Variants in SLC35F1 observed in about 807,000 individuals in gnomAD.
SLC35F1 encodes the protein solute carrier family 35 member F1, also known as chromosome 6 open reading frame 169.
Under a neutral mutation model 48.7 loss-of-function variants are expected in SLC35F1, and 14 were observed. That is an observed-to-expected ratio of 0.29 (90% CI 0.19 to 0.45). The LOEUF is 0.45. SLC35F1 is among the 20% of genes least tolerant of loss of function. SLC35F1 has a pLI of 1.00. For missense variants in SLC35F1, 404 were observed against 500.0 expected, an observed-to-expected ratio of 0.81 and a Z score of 1.83; for synonymous variants, 190 against 202.2, an observed-to-expected ratio of 0.94 and a Z score of 0.51.
At chr6:118,161,799 G>A (rs1361005056) in intron 2 of SLC35F1, among the ~76,000 whole-genome samples, 1 of 152,184 alleles carries the variant, frequency 6.6e-6, no homozygotes, top group African/African-American at 2.4e-5. Flanking sequence ...TTGGGGCTGT[G>A]ATGTTATACA....
chr6:118,214,534 C>T (rs1162517086), intron 2 of SLC35F1, among the ~76,000 whole-genome samples: 1 of 152,050 alleles, frequency 6.6e-6, no homozygotes, highest in African/African-American at 2.4e-5. Flanking sequence ...CCTTTTTGGG[C>T]AACACATCCA....
chr6:118,099,643 G>A (rs1460130252), intron 1 of SLC35F1, among the ~76,000 whole-genome samples: 2 of 152,138 alleles, frequency 1.3e-5, no homozygotes, highest in Non-Finnish European at 2.9e-5. Context: ...GGGCTGAAGG[G>A]AGTAACCCCA....
intron 1 of SLC35F1, among the ~76,000 whole-genome samples, chr6:117,954,810 C>G (rs1205442533): frequency 6.6e-6 from 1 of 152,106 alleles, no homozygotes; most frequent in Non-Finnish European, 1.5e-5. Context: ...TCCTTTGGTT[C>G]CCAGTTTTCT....
chr6:117,967,111 C>T (rs1364426060), intron 1 of SLC35F1, among the ~76,000 whole-genome samples: 1 of 152,104 alleles, frequency 6.6e-6, no homozygotes, highest in Non-Finnish European at 1.5e-5. Flanking sequence ...CCCTTGCTTT[C>T]TTTAGTACTT....
chr6:118,019,907 A>G (rs767147025), intron 1 of SLC35F1, among the ~76,000 whole-genome samples: 46 of 152,314 alleles, frequency 3.0e-4, no homozygotes, highest in Non-Finnish European at 5.6e-4. Context: ...ATATTATTCT[A>G]AAAACACTAA....
At chr6:118,299,251 A>C (rs1249131569) in intron 7 of SLC35F1, among the ~76,000 whole-genome samples, 1 of 152,210 alleles carries the variant, frequency 6.6e-6, no homozygotes, top group Non-Finnish European at 1.5e-5. Context: ...ACATTTAAGC[A>C]AGAATTTGTG....
intron 1 of SLC35F1, among the ~76,000 whole-genome samples, chr6:117,924,539 G>A (rs2211098): frequency 0.79 from 105,301 of 134,014 alleles, 39,377 homozygotes; most frequent in South Asian, 0.91. Context: ...GTTCCATTCT[G>A]TTCCATATAT....
chr6:117,909,254 A>G (rs893311116), intron 1 of SLC35F1, among the ~76,000 whole-genome samples: 1 of 152,130 alleles, frequency 6.6e-6, no homozygotes, highest in Admixed American at 6.5e-5. Context: ...GGCTCAGTAC[A>G]TATTATGTGG....
chr6:118,205,753 A>G (rs1438002198), intron 2 of SLC35F1, among the ~76,000 whole-genome samples: 1 of 152,230 alleles, frequency 6.6e-6, no homozygotes, highest in African/African-American at 2.4e-5. Flanking sequence ...CCATTCACAG[A>G]TGAATGGATA....
intron 1 of SLC35F1, among the ~76,000 whole-genome samples, chr6:118,083,724 A>T (rs957532858): frequency 2.6e-5 from 4 of 152,192 alleles, no homozygotes; most frequent in African/African-American, 9.7e-5. Context: ...ACATGTTATA[A>T]CTAAAGTTTG....
At chr6:118,131,141 C>A (rs1216000342) in intron 1 of SLC35F1, among the ~76,000 whole-genome samples, 2 of 151,920 alleles carry the variant, frequency 1.3e-5, no homozygotes, top group African/African-American at 2.4e-5. Flanking sequence ...AAATTTTTTC[C>A]TGCAATTTCA....
chr6:118,145,557 C>CAAATA (rs1256276814), intron 1 of SLC35F1, among the ~76,000 whole-genome samples: 1 of 152,016 alleles, frequency 6.6e-6, no homozygotes, highest in African/African-American at 2.4e-5. Context: ...CAGAGTAAAA[C>CAAATA]AAATAAAATA....
At chr6:118,190,346 C>T (rs954566946) in intron 2 of SLC35F1, among the ~76,000 whole-genome samples, 5 of 152,104 alleles carry the variant, frequency 3.3e-5, no homozygotes, top group African/African-American at 7.2e-5. Flanking sequence ...GATTATATCA[C>T]ACTTAGCACG....
At chr6:118,271,380 T>C (rs1038712940) in intron 4 of SLC35F1, among the ~76,000 whole-genome samples, 1 of 152,174 alleles carries the variant, frequency 6.6e-6, no homozygotes, top group Non-Finnish European at 1.5e-5. Flanking sequence ...TAAAGACGTT[T>C]TATCATAGTA....
At chr6:117,910,659 T>C (rs1347215836) in intron 1 of SLC35F1, among the ~76,000 whole-genome samples, 1 of 152,202 alleles carries the variant, frequency 6.6e-6, no homozygotes, top group Non-Finnish European at 1.5e-5. Context: ...GGCTAGTCTC[T>C]TCAGTGACTG....
chr6:118,035,690 T>TG (rs1170768502), intron 1 of SLC35F1, among the ~76,000 whole-genome samples: 2 of 137,256 alleles, frequency 1.5e-5, no homozygotes, highest in Non-Finnish European at 3.2e-5. Flanking sequence ...TAATTTTTTT[T>TG]TTTTTTTTTT....
chr6:117,968,252 A>T (rs1372076585), intron 1 of SLC35F1, among the ~76,000 whole-genome samples: 1 of 152,208 alleles, frequency 6.6e-6, no homozygotes, highest in Non-Finnish European at 1.5e-5. Flanking sequence ...ACCTTGCCAG[A>T]TTAACTGATT....
Position 118,277,517 on chromosome 6 carries a change from T to C in SLC35F1, c.818T>C (p.Leu273Pro). 6.2e-7 allele frequency: 1 copy of C among 1,614,082 alleles called. No homozygotes were observed. The highest frequency in any genetic ancestry group is 8.5e-7 in the Non-Finnish European group (1 of 1,179,932). Residue 273 changes from leucine to proline, a missense_variant, in exon 6 of 8, where the codon CTG (leucine) becomes CCG (proline). Around this residue, in one of 2 missense-constraint regions of SLC35F1, gnomAD observed 306 missense variants for 419.1 expected, o/e 0.73. Transcript: ENST00000360388. Reference sequence around the variant, plus strand: ...AGAGCTATAATGGAGCATAAGGAACTGTTGAAGGTGCCCTGGGACTGGCAA... The same window carrying C: ...AGAGCTATAATGGAGCATAAGGAACCGTTGAAGGTGCCCTGGGACTGGCAA... ...IQLAIMEHKE[L>P]LKVPWDWQIG...
chr6:118,224,063 T>G (rs1174257627), intron 2 of SLC35F1, among the ~76,000 whole-genome samples: 1 of 152,142 alleles, frequency 6.6e-6, no homozygotes, highest in Non-Finnish European at 1.5e-5. Context: ...AAAATGGGAT[T>G]AAGGAAAGGA....
Sources: allele counts gnomAD v4.1 joint callset (sites outside exome capture counted in the v4.1 genomes callset), GRCh38; gene constraint gnomAD v4.1.1; regional missense constraint gnomAD v4.1.1; transcripts MANE v1.5; gene names NCBI Gene and HGNC (gene_info 2026-07-23, HGNC 2026-07-21).